The following NALF1 variants were observed in gnomAD, a reference collection of about 807,000 sequenced individuals.
The protein encoded by NALF1 is family with sequence similarity 155 member A.
A neutral mutation model predicts 48.4 loss-of-function variants in NALF1; 3 were observed. The observed-to-expected ratio is 0.06, with a 90% CI of 0.03 to 0.16. The LOEUF is 0.16. Ranked by LOEUF, NALF1 falls within the 10% of genes least tolerant of loss-of-function variation. NALF1 has a pLI of 1.00. For missense variants in NALF1, 526 were observed against 571.5 expected, an observed-to-expected ratio of 0.92 and a Z score of 0.81; for synonymous variants, 262 against 245.7, an observed-to-expected ratio of 1.07 and a Z score of -0.62.
rs1883804701 is a variant in NALF1, at chr13:107,401,360, G to A, written c.916-190605C>T. On this transcript the variant is annotated intron_variant, in intron 1 of 2. Transcript: ENST00000375915. The stretch of plus-strand genomic sequence containing the variant: ...CTTGGGGTATATCCTCCCCTCAAAA[G>A]GGGTTACTACCATATTCTGATTTGG... Among the ~76,000 whole-genome samples, 6 of 152,234 alleles carry A rather than the reference G, an allele frequency of 3.9e-5. No homozygotes were observed. In the South Asian group the frequency reaches 1.2e-3, roughly 32 times the overall value.
intron 1 of NALF1, among the ~76,000 whole-genome samples, chr13:107,579,249 G>A (rs1285388241): frequency 2.0e-5 from 3 of 152,170 alleles, no homozygotes; most frequent in East Asian, 1.9e-4. Flanking sequence ...ACGCCACCAC[G>A]CCCAGCTCAT....
chr13:107,473,431 C>T (rs1287655438), intron 1 of NALF1, among the ~76,000 whole-genome samples: 1 of 152,106 alleles, frequency 6.6e-6, no homozygotes, highest in Non-Finnish European at 1.5e-5. Flanking sequence ...CCGCGTTCTC[C>T]ACCAAAATTA....
intron 1 of NALF1, among the ~76,000 whole-genome samples, chr13:107,318,558 T>C (rs1287177489): frequency 6.6e-6 from 1 of 152,134 alleles, no homozygotes. Flanking sequence ...CTATATACTT[T>C]GAGCGGAAGG....
intron 1 of NALF1, among the ~76,000 whole-genome samples, chr13:107,573,308 T>A (rs1377142378): frequency 6.6e-6 from 1 of 152,074 alleles, no homozygotes; most frequent in African/African-American, 2.4e-5. Context: ...GGTGTAGATC[T>A]CTCTTAAAAT....
chr13:107,310,308 G>A (rs1882019556), intron 1 of NALF1, among the ~76,000 whole-genome samples: 1 of 151,684 alleles, frequency 6.6e-6, no homozygotes, highest in South Asian at 2.1e-4. Context: ...TGCTTGGGAG[G>A]CTGAGGCATG....
At chr13:107,780,570 C>T (rs1236551641) in intron 1 of NALF1, among the ~76,000 whole-genome samples, 5 of 151,530 alleles carry the variant, frequency 3.3e-5, no homozygotes, top group Non-Finnish European at 7.4e-5. Flanking sequence ...GTGATCTCGG[C>T]TCACTGCAAC....
intron 1 of NALF1, among the ~76,000 whole-genome samples, chr13:107,314,815 G>A (rs370782447): frequency 2.6e-5 from 4 of 152,132 alleles, no homozygotes; most frequent in South Asian, 2.1e-4. Context: ...ACACTTAGTA[G>A]GCACTTGAGA....
chr13:107,731,469 G>A (rs1594233066), intron 1 of NALF1, among the ~76,000 whole-genome samples: 1 of 152,038 alleles, frequency 6.6e-6, no homozygotes, highest in East Asian at 1.9e-4. Flanking sequence ...TGTATCAGAG[G>A]GGTTTGTTTT....
At chr13:107,518,088 A>T (rs1049377978) in intron 1 of NALF1, among the ~76,000 whole-genome samples, 1 of 152,206 alleles carries the variant, frequency 6.6e-6, no homozygotes, top group Admixed American at 6.5e-5. Context: ...GACTCGATGC[A>T]CTGAAATAAG....
chr13:107,749,172 G>T (rs1225849546), intron 1 of NALF1, among the ~76,000 whole-genome samples: 2 of 151,078 alleles, frequency 1.3e-5, no homozygotes, highest in Non-Finnish European at 2.9e-5. Context: ...GTGTCTACGT[G>T]TCTGTGTGTC....
rs141327675 is a variant in NALF1, at chr13:107,672,553, G to C, written c.915+193129C>G. On this transcript the variant is annotated intron_variant, in intron 1 of 2. Coordinates refer to ENST00000375915, the MANE Select transcript of NALF1 (RefSeq NM_001080396.3). The stretch of plus-strand genomic sequence containing the variant: ...GATACTGGGCGAGAAGAGAGTCAAG[G>C]CTGCCCAGCTGGGAAACTTGGTTAT... Among the ~76,000 whole-genome samples the C allele has an allele frequency of 2.4e-4, 37 of 152,256 alleles. No individual in the cohort carries two copies. In the East Asian group the frequency reaches 5.8e-3, roughly 24 times the overall value.
intron 1 of NALF1, among the ~76,000 whole-genome samples, chr13:107,425,356 A>G (rs1884261847): frequency 1.3e-5 from 2 of 152,226 alleles, no homozygotes; most frequent in South Asian, 4.1e-4. Flanking sequence ...CCCAAATAGC[A>G]TAAAGACAGC....
rs1275942762 is a variant in NALF1, at chr13:107,169,198, T to A, written c.*1299A>T. On this transcript the variant is annotated 3_prime_UTR_variant, in exon 3 of 3. Transcript: ENST00000375915. ...GAGTGATAAAGTTTTTGCACGTTAA[T>A]AAAAATGGCTGACCTATTTATTTTT... is the stretch of plus-strand genomic sequence containing the variant. 1.3e-5 allele frequency: 2 copies of A among 152,464 alleles called. No homozygotes were observed. Among genetic ancestry groups the A allele is most frequent in the African/African-American group, 2.4e-5 (1 of 41,470 alleles). The allele number at this position is 152,464 out of a possible 1,614,324, so 9.4% of individuals were successfully genotyped here. A position where few individuals can be genotyped will look rare whatever the true frequency, so the allele number is the denominator to read the frequency against.
At chr13:107,613,821 T>C (rs944656451) in intron 1 of NALF1, among the ~76,000 whole-genome samples, 1 of 152,208 alleles carries the variant, frequency 6.6e-6, no homozygotes, top group African/African-American at 2.4e-5. Flanking sequence ...AAAAATTTTA[T>C]CCTATTTCTT....
At chr13:107,536,865 G>A (rs1227498636) in intron 1 of NALF1, among the ~76,000 whole-genome samples, 3 of 152,212 alleles carry the variant, frequency 2.0e-5, no homozygotes, top group South Asian at 4.1e-4. Flanking sequence ...TTAAGAAAAT[G>A]TGGCACATAT....
chr13:107,246,951 A>G (rs559761464), intron 1 of NALF1, among the ~76,000 whole-genome samples: 2 of 152,312 alleles, frequency 1.3e-5, no homozygotes, highest in South Asian at 4.1e-4. Flanking sequence ...AATGGTTTCC[A>G]TTGGAGTACT....
At chr13:107,681,309 TG>T (rs1045946648) in intron 1 of NALF1, among the ~76,000 whole-genome samples, 1 of 152,140 alleles carries the variant, frequency 6.6e-6, no homozygotes, top group Non-Finnish European at 1.5e-5. Flanking sequence ...TAATAAAGAT[TG>T]GCCACACTGA....
At chr13:107,469,028 A>G (rs1355482641) in intron 1 of NALF1, among the ~76,000 whole-genome samples, 1 of 152,086 alleles carries the variant, frequency 6.6e-6, no homozygotes, top group Non-Finnish European at 1.5e-5. Context: ...GAACTTTAAT[A>G]TTTTCCAAGG....
At chr13:107,175,748 G>A (rs942523616) in intron 2 of NALF1, among the ~76,000 whole-genome samples, 5 of 152,218 alleles carry the variant, frequency 3.3e-5, no homozygotes, top group Non-Finnish European at 4.4e-5. Flanking sequence ...GGGACCTGGG[G>A]GCACAGACTC....
Sources: allele counts gnomAD v4.1 joint callset (sites outside exome capture counted in the v4.1 genomes callset), GRCh38; gene constraint gnomAD v4.1.1; transcripts MANE v1.5; gene names NCBI Gene and HGNC (gene_info 2026-07-23, HGNC 2026-07-21).